The following JAKMIP1 variants were observed in gnomAD, a reference collection of about 807,000 sequenced individuals.
JAKMIP1 encodes the protein janus kinase and microtubule-interacting protein 1.
Under a neutral mutation model 113.0 loss-of-function variants are expected in JAKMIP1, and 33 were observed. The observed-to-expected ratio is 0.29, with a 90% CI of 0.22 to 0.39. The LOEUF (loss-of-function observed/expected upper bound fraction) is 0.39, where lower values mean the gene tolerates loss of function less well. Ranked by LOEUF, JAKMIP1 falls within the 10% of genes least tolerant of loss-of-function variation. JAKMIP1 has a pLI of 1.00. For synonymous variants in JAKMIP1, 480 were observed against 459.9 expected (o/e 1.04, Z -0.56); for missense variants, 813 against 1,080.5 (o/e 0.75, Z 3.47).
Position 6,036,087 on chromosome 4 carries a change from G to C in JAKMIP1, c.2196C>G (p.Ala732=). The change falls in exon 19 of 21, where the codon GCC becomes GCG. Residue 732 remains alanine (A), a synonymous_variant. Coordinates refer to ENST00000409021, the MANE Select transcript of JAKMIP1 (RefSeq NM_001099433.2). ...QAYLKIQDLE[A]TLYTALQQEP... ...CCTGCTGCAGCGCTGTGTACAGTGT[G>C]GCCTCCAGGTCTTGGATTTTCTGAG... The C allele has an allele frequency of 6.4e-7, 1 of 1,554,148 alleles. No individual in the cohort carries two copies. The highest frequency in any genetic ancestry group is 8.7e-7 in the Non-Finnish European group (1 of 1,147,772).
rs1351895963 is a variant in JAKMIP1, at chr4:6,097,442, T to A, written c.624+8031A>T. The stretch of plus-strand genomic sequence containing the variant: ...AGTCTGGGTGTGTATGGAAGCTCTA[T>A]CACAGCTGATGGGGGCTAGGGGGAT... On this transcript the variant is annotated intron_variant, in intron 3 of 20. Coordinates refer to ENST00000409021, the MANE Select transcript of JAKMIP1 (RefSeq NM_001099433.2). The surrounding 1 kb of genome is among the most constrained non-coding windows in gnomAD (Gnocchi z 4.3). Among the ~76,000 whole-genome samples, 1 of 152,214 alleles carries A rather than the reference T, an allele frequency of 6.6e-6. No individual in the cohort carries two copies. Among genetic ancestry groups the A allele is most frequent in the Non-Finnish European group, 1.5e-5 (1 of 68,044 alleles).
At chr4:6,114,012 G>A (rs1302392466) in intron 1 of JAKMIP1, among the ~76,000 whole-genome samples, 4 of 152,220 alleles carry the variant, frequency 2.6e-5, no homozygotes, top group Non-Finnish European at 5.9e-5. Context: ...TGGGAATCCT[G>A]TCCTATCATC....
chr4:6,199,530 C>A lies in JAKMIP1; in HGVS notation c.-148+723G>T, dbSNP rs370542501. 6.6e-6 allele frequency among the ~76,000 whole-genome samples: 1 copy of A among 152,130 alleles called. No individual in the cohort carries two copies. Among genetic ancestry groups the A allele is most frequent in the Admixed American group, 6.5e-5 (1 of 15,290 alleles). On this transcript the variant is annotated intron_variant, in intron 1 of 20. Transcript: ENST00000409021. This position sits in a 1 kb window ranked among gnomAD's most constrained non-coding sequence, Gnocchi z 5.6. ...CTGGCACCACGAGAGTCAATCCTTGCGCGCCATCTCCGGAGGCCAGTGCGC... is the reference window on the plus strand; with the variant it reads ...CTGGCACCACGAGAGTCAATCCTTGAGCGCCATCTCCGGAGGCCAGTGCGC...
chr4:6,172,329 C>T (rs775643109), intron 1 of JAKMIP1, among the ~76,000 whole-genome samples: 3 of 152,164 alleles, frequency 2.0e-5, no homozygotes, highest in Admixed American at 6.5e-5. Context: ...ACTCACCAGA[C>T]GATCTGCAGA....
rs552820355 is a variant in JAKMIP1 at position 6,178,574 on chromosome 4, C to T, written c.-148+21679G>A. ...AAGCATTTCATGAACCGGGATATTT[C>T]GAAACTGCATCTCCTTGATACCGCC... On this transcript the variant is annotated intron_variant, in intron 1 of 20. Transcript: ENST00000409021. The surrounding 1 kb of genome is among the most constrained non-coding windows in gnomAD (Gnocchi z 5.5). 3.3e-5 allele frequency among the ~76,000 whole-genome samples: 5 copies of T among 152,244 alleles called. No homozygotes were observed. The East Asian group carries it at 5.8e-4, about 18-fold the overall frequency.
Position 6,049,970 on chromosome 4 carries a change from C to T in JAKMIP1, c.1909-98G>A. ...CCTTTCCTCTGGACAAGACACCGCG[C>T]TCTTTCTTTTCTTTTCTGGCCAAGT... is the stretch of plus-strand genomic sequence containing the variant. On this transcript the variant is annotated intron_variant, in intron 14 of 20. Coordinates refer to ENST00000409021, the MANE Select transcript of JAKMIP1 (RefSeq NM_001099433.2). The surrounding 1 kb of genome is among the most constrained non-coding windows in gnomAD (Gnocchi z 7.0). The T allele has an allele frequency of 1.2e-6, 1 of 827,288 alleles. No individual in the cohort carries two copies. Among genetic ancestry groups the T allele is most frequent in the Admixed American group, 2.4e-5 (1 of 41,798 alleles). The allele number at this position is 827,288 out of a possible 1,614,324, so 51.2% of individuals were successfully genotyped here.
intron 8 of JAKMIP1, 109 bp downstream of exon 8, chr4:6,078,830 G>C (rs111442600): frequency 1.1e-6 from 1 of 949,404 alleles, no homozygotes; most frequent in Non-Finnish European, 1.7e-6. Context: ...AGAGATGTGT[G>C]TGTCTGCTTC....
intron 1 of JAKMIP1, among the ~76,000 whole-genome samples, chr4:6,118,131 T>C (rs917988459): frequency 6.6e-6 from 1 of 152,248 alleles, no homozygotes; most frequent in Non-Finnish European, 1.5e-5. Flanking sequence ...TTACAATTTA[T>C]GTTTAGAGAC....
At position 6,184,437 on chromosome 4, in the gene JAKMIP1, A is replaced by T. The variant is rs76114859; in HGVS notation, c.-148+15816T>A. ...AGAAATGACAATACAGCCCACACTC[A>T]GCATCACAAGGAGGGAGAGAGGGCA... On this transcript the variant is annotated intron_variant, in intron 1 of 20. Coordinates refer to ENST00000409021, the MANE Select transcript of JAKMIP1 (RefSeq NM_001099433.2). This position sits in a 1 kb window ranked among gnomAD's most constrained non-coding sequence, Gnocchi z 4.5. 0.019 allele frequency among the ~76,000 whole-genome samples: 2,842 copies of T among 152,246 alleles called. 91 individuals carry two copies. The highest frequency in any genetic ancestry group is 0.064 in the African/African-American group (2,646 of 41,532).
At position 6,176,621 on chromosome 4, in the gene JAKMIP1, A is replaced by G. The variant is rs1049555328; in HGVS notation, c.-148+23632T>C. On this transcript the variant is annotated intron_variant, in intron 1 of 20. Transcript: ENST00000409021. The surrounding 1 kb of genome is among the most constrained non-coding windows in gnomAD (Gnocchi z 5.5). ...CTGGGAGATAACTCCATGTTTACAA[A>G]TGGGGAAACTGAGGCTTGCAGTGGT... 5.3e-5 allele frequency among the ~76,000 whole-genome samples: 8 copies of G among 152,180 alleles called. No individual in the cohort carries two copies. The highest frequency in any genetic ancestry group is 2.4e-5 in the African/African-American group (1 of 41,450).
intron 1 of JAKMIP1, among the ~76,000 whole-genome samples, chr4:6,115,983 A>G (rs1452979938): frequency 6.6e-6 from 1 of 152,078 alleles, no homozygotes; most frequent in Non-Finnish European, 1.5e-5. Context: ...CCAAAGTCCA[A>G]GCTCGATCCG....
chr4:6,162,568 A>G lies in JAKMIP1; in HGVS notation c.-148+37685T>C, dbSNP rs1236837204. 6.6e-6 allele frequency among the ~76,000 whole-genome samples: 1 copy of G among 152,236 alleles called. No individual in the cohort carries two copies. The highest frequency in any genetic ancestry group is 6.5e-5 in the Admixed American group (1 of 15,288). On this transcript the variant is annotated intron_variant, in intron 1 of 20. Transcript: ENST00000409021. The surrounding 1 kb of genome is among the most constrained non-coding windows in gnomAD (Gnocchi z 5.6). ...TGTTCTGATTAGCAGGTTAACTTGC[A>G]CAAGGCAGTCATGTCAACAGGGCAA...
At chr4:6,169,961 TCACCACCACCACCACCACTAC>T (rs1396416221) in intron 1 of JAKMIP1, among the ~76,000 whole-genome samples, 9 of 145,936 alleles carry the variant, frequency 6.2e-5, no homozygotes, top group Non-Finnish European at 1.4e-4. Context: ...ATCACTCTCA[TCACCACCACCACCACCACTAC>T]CACCACCACC....
At chr4:6,055,138 G>T (rs931943810) in intron 12 of JAKMIP1, among the ~76,000 whole-genome samples, 3 of 152,170 alleles carry the variant, frequency 2.0e-5, no homozygotes, top group African/African-American at 7.2e-5. Flanking sequence ...GGTTCCTCCA[G>T]TCCTGGTGCC....
In JAKMIP1 at chr4:6,179,077, T is replaced by A. The variant is rs536007595; in HGVS notation, c.-148+21176A>T. Among the ~76,000 whole-genome samples, 8 of 152,356 alleles carry A rather than the reference T, an allele frequency of 5.3e-5. No homozygotes were observed. The South Asian group carries it at 1.7e-3, about 32-fold the overall frequency. ...CTGGGCTATATGTCCAGAGAGTGGT[T>A]GGGGAAAGACTAGAATGTGCTTTTC... On this transcript the variant is annotated intron_variant, in intron 1 of 20. Transcript: ENST00000409021. The surrounding 1 kb of genome is among the most constrained non-coding windows in gnomAD (Gnocchi z 4.5).
chr4:6,114,070 T>A (rs917169557), intron 1 of JAKMIP1, among the ~76,000 whole-genome samples: 2 of 152,104 alleles, frequency 1.3e-5, no homozygotes, highest in African/African-American at 4.8e-5. Context: ...ATTTTAGAGA[T>A]GAGGAAATGA....
At position 6,076,071 on chromosome 4, in the gene JAKMIP1, G is replaced by C. The variant is rs1045374369; in HGVS notation, c.1302+2868C>G. Among the ~76,000 whole-genome samples, 4 of 152,224 alleles carry C rather than the reference G, an allele frequency of 2.6e-5. No individual in the cohort carries two copies. The highest frequency in any genetic ancestry group is 5.9e-5 in the Non-Finnish European group (4 of 68,042). The stretch of plus-strand genomic sequence containing the variant: ...CATGCCTGTAATCTCGGCTACTTGG[G>C]AGGCTGAGGCAGGAGAATCGCTTGA... On this transcript the variant is annotated intron_variant, in intron 8 of 20. Transcript: ENST00000409021. This position sits in a 1 kb window ranked among gnomAD's most constrained non-coding sequence, Gnocchi z 4.8.
intron 1 of JAKMIP1, among the ~76,000 whole-genome samples, chr4:6,128,155 A>T (rs1172954979): frequency 6.6e-6 from 1 of 152,124 alleles, no homozygotes; most frequent in African/African-American, 2.4e-5. Flanking sequence ...GTGGTTAGAA[A>T]AGGGCTTTAG....
intron 1 of JAKMIP1, among the ~76,000 whole-genome samples, chr4:6,124,279 G>A (rs1717112509): frequency 6.6e-6 from 1 of 152,246 alleles, no homozygotes; most frequent in African/African-American, 2.4e-5. Context: ...CATCACTGAT[G>A]CCAAGAGGTC....
Sources: gnomAD v4.1 joint callset for allele counts (sites outside exome capture counted in the v4.1 genomes callset) on GRCh38, gnomAD v4.1.1 for gene constraint, Gnocchi (gnomAD v3.1) non-coding constraint, MANE v1.5 for transcripts, NCBI Gene and HGNC (gene_info 2026-07-23, HGNC 2026-07-21) for gene names.